Variants in KLKB1 observed in about 807,000 individuals in gnomAD.
The protein encoded by KLKB1 is kallikrein B1, also known as plasma kallikrein.
KLKB1 carries 58 observed loss-of-function variants against 73.6 expected under a neutral mutation model. The observed-to-expected ratio is 0.79, with a 90% CI of 0.64 to 0.98. The LOEUF is 0.98. KLKB1 is among the 50% of genes least tolerant of loss of function. KLKB1 has a pLI of 0.00. For missense variants in KLKB1, 737 were observed against 763.8 expected, an observed-to-expected ratio of 0.96 and a Z score of 0.41; for synonymous variants, 280 against 258.1, an observed-to-expected ratio of 1.08 and a Z score of -0.81.
rs1739138110 is a variant in KLKB1, at chr4:186,258,444, T to G, written c.*232T>G. 1 of 576,724 alleles carries G rather than the reference T, an allele frequency of 1.7e-6. No homozygotes were observed. The highest frequency in any genetic ancestry group is 3.1e-6 in the Non-Finnish European group (1 of 321,992). 35.7% of individuals were successfully genotyped at this position (576,724 alleles called of 1,614,324 possible). The stretch of plus-strand genomic sequence containing the variant: ...CGCAACTGAGATCTCCATGACTGTG[T>G]GTTGTGAAATAAAATGGTGAAAGAT... On this transcript the variant is annotated 3_prime_UTR_variant, in exon 15 of 15. Transcript: ENST00000264690.
intron 6 of KLKB1, among the ~76,000 whole-genome samples, chr4:186,240,163 T>G (rs114652910): frequency 0.1 from 15,449 of 151,250 alleles, 940 homozygotes; most frequent in South Asian, 0.2. Flanking sequence ...ATTCTTATAG[T>G]TACCGTGGTA....
rs1738597554 is a variant in KLKB1 at position 186,250,322 on chromosome 4, G to A, written c.678G>A (p.Val226=). 6.2e-7 allele frequency: 1 copy of A among 1,613,948 alleles called. No individual in the cohort carries two copies. Among genetic ancestry groups the A allele is most frequent in the Non-Finnish European group, 8.5e-7 (1 of 1,179,946 alleles). ...VARVLTPDAF[V]CRTICTYHPN... is the part of the protein sequence containing the mutation. Reference sequence around the variant, plus strand: ...GGGTTCTCACTCCAGATGCTTTTGTGTGTCGGACCATCTGCACCTATCACC... The same window carrying A: ...GGGTTCTCACTCCAGATGCTTTTGTATGTCGGACCATCTGCACCTATCACC... Residue 226 remains valine, a synonymous_variant, in exon 7 of 15, where the codon GTG becomes GTA. Coordinates refer to ENST00000264690, the MANE Select transcript of KLKB1 (RefSeq NM_000892.5).
chr4:186,237,337 T>A (rs541244693), intron 5 of KLKB1, among the ~76,000 whole-genome samples: 7 of 152,282 alleles, frequency 4.6e-5, no homozygotes, highest in African/African-American at 1.7e-4. Context: ...GATCTTGTGA[T>A]CCACCCACCT....
chr4:186,253,659 G>A (rs994949298), intron 11 of KLKB1, among the ~76,000 whole-genome samples: 3 of 151,872 alleles, frequency 2.0e-5, no homozygotes, highest in Admixed American at 6.6e-5. Context: ...CTAGAATTTT[G>A]TGCACACATG....
At chr4:186,236,130 AAAAG>A (rs2126637343) in intron 4 of KLKB1, among the ~76,000 whole-genome samples, 1 of 147,338 alleles carries the variant, frequency 6.8e-6, no homozygotes, top group South Asian at 2.1e-4. Context: ...AAAAAAAAAA[AAAAG>A]AGCCTAATTT....
At chr4:186,240,905 C>A (rs190697432) in intron 6 of KLKB1, among the ~76,000 whole-genome samples, 1 of 152,270 alleles carries the variant, frequency 6.6e-6, no homozygotes, top group Admixed American at 6.5e-5. Flanking sequence ...CTGCACTTAC[C>A]CAGGGAACAG....
At chr4:186,213,484 T>C (rs1736794180) in intron 2 of KLKB1, 1 of 152,202 alleles carries the variant, frequency 6.6e-6, no homozygotes, top group African/African-American at 2.4e-5. Flanking sequence ...GACTCTTGGA[T>C]TTTCTAACAA....
intron 4 of KLKB1, among the ~76,000 whole-genome samples, chr4:186,236,093 G>T (rs1737670676): frequency 1.3e-5 from 1 of 78,488 alleles, no homozygotes; most frequent in African/African-American, 6.3e-5. Flanking sequence ...CAGCCTGGGC[G>T]ACAGAGCGAG....
intron 6 of KLKB1, among the ~76,000 whole-genome samples, chr4:186,241,611 C>T (rs1738053921): frequency 1.3e-5 from 2 of 152,150 alleles, no homozygotes; most frequent in Non-Finnish European, 2.9e-5. Flanking sequence ...AAAATTCCTA[C>T]CATGTGACTT....
chr4:186,253,608 TAAA>T (rs1243044686), intron 11 of KLKB1, among the ~76,000 whole-genome samples: 8 of 148,532 alleles, frequency 5.4e-5, no homozygotes, highest in Non-Finnish European at 8.9e-5. Context: ...TCATTGCAAA[TAAA>T]AAAAGGCCCC....
upstream of KLKB1, among the ~76,000 whole-genome samples, chr4:186,223,044 C>T (rs1737064442): frequency 6.6e-6 from 1 of 152,000 alleles, no homozygotes; most frequent in Non-Finnish European, 1.5e-5. Flanking sequence ...TGGTGGTTAC[C>T]CGTGCGCACA....
intron 2 of KLKB1, among the ~76,000 whole-genome samples, chr4:186,218,294 C>A (rs982247685): frequency 6.6e-6 from 1 of 152,090 alleles, no homozygotes; most frequent in Non-Finnish European, 1.5e-5. Context: ...TAAAATATCC[C>A]TCTAGGAGGA....
At chr4:186,232,320 C>G (rs780197667) in intron 3 of KLKB1, 31 bp downstream of exon 3, 4 of 1,601,590 alleles carry the variant, frequency 2.5e-6, no homozygotes, top group Non-Finnish European at 2.6e-6. Flanking sequence ...ATTGGAGAAG[C>G]TGTTTTTCAA....
At chr4:186,218,849 C>T (rs557961543) in intron 2 of KLKB1, among the ~76,000 whole-genome samples, 1 of 152,202 alleles carries the variant, frequency 6.6e-6, no homozygotes, top group South Asian at 2.1e-4. Flanking sequence ...GGTGAAGTCC[C>T]ACAATAGTCT....
chr4:186,216,970 ACATAAT>A (rs1333160984), intron 2 of KLKB1, among the ~76,000 whole-genome samples: 4 of 152,216 alleles, frequency 2.6e-5, no homozygotes, highest in African/African-American at 9.6e-5. Context: ...TTCTCATGTA[ACATAAT>A]CATGGGCAGA....
chr4:186,235,886 C>T (rs1406982669), intron 4 of KLKB1, among the ~76,000 whole-genome samples: 3 of 151,844 alleles, frequency 2.0e-5, no homozygotes, highest in Non-Finnish European at 2.9e-5. Context: ...GAGGCCGAGA[C>T]GGGCGGATCA....
chr4:186,242,648 T>C (rs1336832451), intron 6 of KLKB1, among the ~76,000 whole-genome samples: 1 of 152,142 alleles, frequency 6.6e-6, no homozygotes, highest in Non-Finnish European at 1.5e-5. Flanking sequence ...AAAACAGGTG[T>C]TAAAGGACTA....
chr4:186,247,945 A>G (rs1738441343), intron 6 of KLKB1, among the ~76,000 whole-genome samples: 1 of 152,174 alleles, frequency 6.6e-6, no homozygotes, highest in Admixed American at 6.5e-5. Context: ...TTTTATCACC[A>G]CAAAAGAAAG....
chr4:186,252,058 A>G lies in KLKB1; in HGVS notation c.1186A>G (p.Asn396Asp). ...KTSTRIVGGTNSSWGEWPWQV... is the reference protein window; with the variant it reads ...KTSTRIVGGTDSSWGEWPWQV... ...AAGCACACGCATTGTTGGAGGAACA[A>G]ACTCTTCTTGGGGAGAGTGGCCCTG... Residue 396 changes from asparagine to aspartate, a missense_variant, in exon 11 of 15, where the codon AAC becomes GAC. Coordinates refer to ENST00000264690, the MANE Select transcript of KLKB1 (RefSeq NM_000892.5). 6.2e-7 allele frequency: 1 copy of G among 1,614,134 alleles called. No homozygotes were observed. Among genetic ancestry groups the G allele is most frequent in the Non-Finnish European group, 8.5e-7 (1 of 1,180,036 alleles).
Sources: allele counts gnomAD v4.1 joint callset (sites outside exome capture counted in the v4.1 genomes callset), GRCh38; gene constraint gnomAD v4.1.1; transcripts MANE v1.5; gene names NCBI Gene and HGNC (gene_info 2026-07-23, HGNC 2026-07-21).